The following PLCL1 variants were observed in gnomAD, a reference collection of about 807,000 sequenced individuals.
PLCL1 encodes the protein phospholipase C like 1 (inactive).
PLCL1 carries 41 observed loss-of-function variants against 84.4 expected under a neutral mutation model. That is an observed-to-expected ratio of 0.49 (90% CI 0.38 to 0.63). The LOEUF is 0.63. Among genes scored for constraint, PLCL1 ranks in the 30% least tolerant of loss-of-function variants. PLCL1 has a pLI of 0.00. For synonymous variants in PLCL1, 490 were observed against 488.3 expected, an observed-to-expected ratio of 1.00 and a Z score of -0.05; for missense variants, 1,206 against 1,367.8, an observed-to-expected ratio of 0.88 and a Z score of 1.87.
chr2:197,959,512 T>C (rs1028212126), intron 1 of PLCL1, among the ~76,000 whole-genome samples: 1 of 152,070 alleles, frequency 6.6e-6, no homozygotes, highest in African/African-American at 2.4e-5. Context: ...CTGAGTTCCA[T>C]AGATCAAATC....
At chr2:197,893,199 G>T (rs768541756) in intron 1 of PLCL1, among the ~76,000 whole-genome samples, 1 of 152,150 alleles carries the variant, frequency 6.6e-6, no homozygotes, top group Non-Finnish European at 1.5e-5. Flanking sequence ...TGTAACTTTA[G>T]AGTACCTCTT....
intron 1 of PLCL1, among the ~76,000 whole-genome samples, chr2:198,018,973 A>G (rs1691068443): frequency 1.3e-5 from 2 of 152,174 alleles, no homozygotes; most frequent in Admixed American, 6.5e-5. Context: ...GACACCTCAT[A>G]CAGGGGAGTT....
chr2:197,940,620 G>A (rs548298593), intron 1 of PLCL1, among the ~76,000 whole-genome samples: 4 of 152,282 alleles, frequency 2.6e-5, no homozygotes, highest in African/African-American at 9.6e-5. Context: ...TGGATCAGCT[G>A]CCTTTGTAAT....
At chr2:197,895,275 C>T (rs1286384932) in intron 1 of PLCL1, among the ~76,000 whole-genome samples, 1 of 151,894 alleles carries the variant, frequency 6.6e-6, no homozygotes, top group Admixed American at 6.6e-5. Flanking sequence ...AGTAAACCAT[C>T]TTGAGTCAGA....
In PLCL1 at chr2:197,804,932, T is replaced by C. The variant is rs1158760725; in HGVS notation, c.-168T>C. The C allele has an allele frequency of 6.2e-5, 41 of 658,502 alleles. No individual in the cohort carries two copies. The highest frequency in any genetic ancestry group is 1.4e-4 in the Admixed American group (4 of 27,820). The allele number at this position is 658,502 out of a possible 1,614,324, so 40.8% of individuals were successfully genotyped here. Reference sequence around the variant, plus strand: ...GTCTCTGCCCGAGCGATGTCCCCTCTCCAGAAAGTTGCCGCCGCCGCCGCC... The same window carrying C: ...GTCTCTGCCCGAGCGATGTCCCCTCCCCAGAAAGTTGCCGCCGCCGCCGCC... On this transcript the variant is annotated 5_prime_UTR_variant, in exon 1 of 6. Coordinates refer to ENST00000428675, the MANE Select transcript of PLCL1 (RefSeq NM_006226.4).
intron 1 of PLCL1, among the ~76,000 whole-genome samples, chr2:197,879,618 G>T (rs1687793010): frequency 6.6e-6 from 1 of 152,098 alleles, no homozygotes; most frequent in Non-Finnish European, 1.5e-5. Flanking sequence ...ATAGATTTGG[G>T]TTGTCTCTTT....
At chr2:197,964,354 G>A (rs1689685603) in intron 1 of PLCL1, among the ~76,000 whole-genome samples, 1 of 151,800 alleles carries the variant, frequency 6.6e-6, no homozygotes, top group African/African-American at 2.4e-5. Context: ...TATTTTATTT[G>A]TAGCTAATAT....
At chr2:198,014,249 A>G (rs1690939320) in intron 1 of PLCL1, among the ~76,000 whole-genome samples, 1 of 152,102 alleles carries the variant, frequency 6.6e-6, no homozygotes, top group African/African-American at 2.4e-5. Flanking sequence ...AAGAAAAGTG[A>G]TGTCTGTTTC....
chr2:198,106,166 C>G (rs144695574), intron 5 of PLCL1, among the ~76,000 whole-genome samples: 600 of 151,998 alleles, frequency 3.9e-3, no homozygotes, highest in African/African-American at 0.013. Context: ...TTCCTGAGGG[C>G]GCTCAGCTAG....
intron 1 of PLCL1, among the ~76,000 whole-genome samples, chr2:197,853,384 G>A (rs985532238): frequency 7.2e-5 from 11 of 152,094 alleles, no homozygotes; most frequent in African/African-American, 1.4e-4. Context: ...TATATTCCCC[G>A]GAAGTGGGAT....
intron 1 of PLCL1, among the ~76,000 whole-genome samples, chr2:197,967,173 A>G (rs775346282): frequency 3.9e-4 from 59 of 151,842 alleles, no homozygotes; most frequent in Non-Finnish European, 1.6e-4. Flanking sequence ...TCTACAGGAG[A>G]ATCACCACGT....
intron 1 of PLCL1, among the ~76,000 whole-genome samples, chr2:198,040,350 T>C (rs1252028297): frequency 6.6e-6 from 1 of 152,138 alleles, no homozygotes; most frequent in Non-Finnish European, 1.5e-5. Flanking sequence ...TTTTTGAGGT[T>C]GCAGCCATCC....
chr2:198,113,609 A>G (rs1693672664), intron 5 of PLCL1, among the ~76,000 whole-genome samples: 1 of 151,918 alleles, frequency 6.6e-6, no homozygotes, highest in African/African-American at 2.4e-5. Context: ...AGTGGTGAGT[A>G]AATATTCCAG....
intron 2 of PLCL1, among the ~76,000 whole-genome samples, chr2:198,088,453 A>G (rs1247657534): frequency 1.3e-5 from 2 of 152,212 alleles, no homozygotes; most frequent in African/African-American, 2.4e-5. Flanking sequence ...GAAGTGACAA[A>G]GGAATGCCAT....
intron 1 of PLCL1, among the ~76,000 whole-genome samples, chr2:198,079,416 T>C (rs1040686641): frequency 2.6e-5 from 4 of 152,104 alleles, no homozygotes; most frequent in Non-Finnish European, 5.9e-5. Flanking sequence ...AATTTAAAAA[T>C]TAAAAAGACA....
intron 1 of PLCL1, among the ~76,000 whole-genome samples, chr2:197,965,037 G>T (rs1689700358): frequency 6.6e-6 from 1 of 152,002 alleles, no homozygotes; most frequent in Non-Finnish European, 1.5e-5. Flanking sequence ...ATGTATCTTT[G>T]TCTGATTTTT....
chr2:198,043,115 G>C (rs941497904), intron 1 of PLCL1, among the ~76,000 whole-genome samples: 1 of 152,218 alleles, frequency 6.6e-6, no homozygotes, highest in Non-Finnish European at 1.5e-5. Flanking sequence ...ATTCATTGAA[G>C]GAGCTGGGAA....
chr2:198,034,781 G>T (rs1479799458), intron 1 of PLCL1, among the ~76,000 whole-genome samples: 1 of 152,156 alleles, frequency 6.6e-6, no homozygotes, highest in African/African-American at 2.4e-5. Context: ...AATCAATCCA[G>T]GATCACATGT....
intron 1 of PLCL1, among the ~76,000 whole-genome samples, chr2:197,886,000 T>C (rs1000542856): frequency 6.6e-6 from 1 of 152,212 alleles, no homozygotes; most frequent in Non-Finnish European, 1.5e-5. Flanking sequence ...AATGGTGAAT[T>C]TGAAGATTAA....
Sources: allele counts gnomAD v4.1 joint callset (sites outside exome capture counted in the v4.1 genomes callset), GRCh38; gene constraint gnomAD v4.1.1; transcripts MANE v1.5; gene names NCBI Gene and HGNC (gene_info 2026-07-23, HGNC 2026-07-21).